The following PHF24 variants were observed in gnomAD, a reference collection of about 807,000 sequenced individuals.
PHF24 encodes Galpha inhibitory interacting protein.
In PHF24, 25 loss-of-function variants were observed where a neutral mutation model predicts 42.6. That is an observed-to-expected ratio of 0.59 (90% confidence interval 0.43 to 0.82). The LOEUF (loss-of-function observed/expected upper bound fraction) is 0.82. PHF24 is among the 40% of genes least tolerant of loss of function. The probability of loss-of-function intolerance (pLI) is 0.00; values close to 1 mark genes in which losing one functional copy is unlikely to be tolerated. For synonymous variants in PHF24, 185 were observed against 204.8 expected (o/e 0.90, Z 0.83); for missense variants, 470 against 538.1 (o/e 0.87, Z 1.25).
the PHF24 span, among the ~76,000 whole-genome samples, chr9:34,894,086 G>A: frequency 6.6e-6 from 1 of 152,210 alleles, no homozygotes; most frequent in South Asian, 2.1e-4. Context: ...AGGGAATAAA[G>A]AGAATAAGAC....
chr9:34,834,796 A>T, the PHF24 span: 1 of 1,542,894 alleles, frequency 6.5e-7, no homozygotes, highest in Non-Finnish European at 8.7e-7. Flanking sequence ...GTTGATGGTC[A>T]GATGGAGACA....
chr9:34,799,824 C>T, the PHF24 span, among the ~76,000 whole-genome samples: 1 of 152,120 alleles, frequency 6.6e-6, no homozygotes, highest in African/African-American at 2.4e-5. Context: ...GGGAATCATT[C>T]TTTGACAATA....
At chr9:34,744,475 C>T in the PHF24 span, among the ~76,000 whole-genome samples, 1 of 152,124 alleles carries the variant, frequency 6.6e-6, no homozygotes, top group Non-Finnish European at 1.5e-5. Context: ...CAGAAGGTTC[C>T]TAGTAATTGC....
the PHF24 span, chr9:34,832,360 G>A: frequency 1.3e-6 from 1 of 782,596 alleles, no homozygotes; most frequent in South Asian, 1.6e-5. Flanking sequence ...CAGTGGTGGG[G>A]GTGGCCTGGG....
chr9:34,887,315 T>C, the PHF24 span, among the ~76,000 whole-genome samples: 1 of 152,170 alleles, frequency 6.6e-6, no homozygotes, highest in African/African-American at 2.4e-5. Context: ...ATGACCTAAG[T>C]GATCCTTTAA....
chr9:34,920,923 A>G, the PHF24 span, among the ~76,000 whole-genome samples: 1 of 152,188 alleles, frequency 6.6e-6, no homozygotes, highest in Non-Finnish European at 1.5e-5. Flanking sequence ...TTTTGCAAAT[A>G]CAAGATTATA....
At chr9:34,847,702 G>A in the PHF24 span, among the ~76,000 whole-genome samples, 1 of 151,906 alleles carries the variant, frequency 6.6e-6, no homozygotes, top group Non-Finnish European at 1.5e-5. Context: ...AATGCTTCCA[G>A]TTTTTGCCCA....
chr9:34,860,632 T>C, the PHF24 span, among the ~76,000 whole-genome samples: 1 of 152,124 alleles, frequency 6.6e-6, no homozygotes, highest in Non-Finnish European at 1.5e-5. Flanking sequence ...GTTCACATGC[T>C]CTTGATTTTA....
intron 1 of PHF24, among the ~76,000 whole-genome samples, chr9:34,963,806 G>A (rs994522040): frequency 2.6e-5 from 4 of 152,170 alleles, no homozygotes; most frequent in Admixed American, 2.6e-4. Flanking sequence ...CACCTCTTGG[G>A]AAGTAGAGTA....
chr9:34,941,663 T>C, the PHF24 span, among the ~76,000 whole-genome samples: 1 of 152,324 alleles, frequency 6.6e-6, no homozygotes, highest in East Asian at 1.9e-4. Flanking sequence ...ACTGGCAGAT[T>C]CAGTGTCTGG....
the PHF24 span, among the ~76,000 whole-genome samples, chr9:34,754,549 G>A: frequency 4.6e-5 from 7 of 152,074 alleles, no homozygotes; most frequent in African/African-American, 1.7e-4. Flanking sequence ...CAAAAGACAG[G>A]CAATAGAAAT....
At chr9:34,708,128 G>A in the PHF24 span, among the ~76,000 whole-genome samples, 1 of 152,164 alleles carries the variant, frequency 6.6e-6, no homozygotes, top group African/African-American at 2.4e-5. Context: ...CCGCCTGGAG[G>A]TGATTTGGGG....
the PHF24 span, among the ~76,000 whole-genome samples, chr9:34,896,844 T>A: frequency 6.6e-6 from 1 of 152,004 alleles, no homozygotes; most frequent in African/African-American, 2.4e-5. Flanking sequence ...ATAAAAGTGG[T>A]TGGTCTTAGG....
chr9:34,744,060 C>G, the PHF24 span, among the ~76,000 whole-genome samples: 1 of 152,158 alleles, frequency 6.6e-6, no homozygotes, highest in Non-Finnish European at 1.5e-5. Context: ...ACCTAATTAC[C>G]TTTTATTAGG....
chr9:34,977,244 G>T lies in PHF24; in HGVS notation c.1010+1G>T. 1 of 1,601,500 alleles carries T rather than the reference G, an allele frequency of 6.2e-7. No individual in the cohort carries two copies. Among genetic ancestry groups the T allele is most frequent in the East Asian group, 2.2e-5 (1 of 44,656 alleles). ...CAGAGGCTCCTTCCTGCAGTGTCAG[G>T]TCTGCTCCTTACCAGTCCTGGTCCC... On this transcript the variant is annotated splice_donor_variant, in intron 6 of 7. Transcript: ENST00000242315. LOFTEE classifies it high-confidence loss of function.
the PHF24 span, among the ~76,000 whole-genome samples, chr9:34,900,764 T>C: frequency 1.3e-5 from 2 of 152,180 alleles, no homozygotes; most frequent in Non-Finnish European, 2.9e-5. Flanking sequence ...TTTTAGATCA[T>C]GAGAACAGAG....
chr9:34,746,447 C>T, the PHF24 span, among the ~76,000 whole-genome samples: 4 of 152,236 alleles, frequency 2.6e-5, no homozygotes, highest in East Asian at 7.7e-4. Context: ...CATATAAAAT[C>T]AGCAATACAC....
chr9:34,918,935 C>T, the PHF24 span, among the ~76,000 whole-genome samples: 2 of 152,072 alleles, frequency 1.3e-5, no homozygotes, highest in Non-Finnish European at 2.9e-5. Context: ...TTGATAAGAC[C>T]GGTAGTTCTC....
chr9:34,905,898 A>G, the PHF24 span, among the ~76,000 whole-genome samples: 2,525 of 152,278 alleles, frequency 0.017, 33 homozygotes, highest in Non-Finnish European at 0.026. Flanking sequence ...CCTCATGGGA[A>G]TGTTTTTCTG....
Sources: allele counts gnomAD v4.1 joint callset (sites outside exome capture counted in the v4.1 genomes callset), GRCh38; gene constraint gnomAD v4.1.1; transcripts MANE v1.5; gene names NCBI Gene and HGNC (gene_info 2026-07-23, HGNC 2026-07-21).